Variants in CHLSN observed in about 807,000 individuals in gnomAD.
The protein encoded by CHLSN is protein cholesin.
At chr7:1,050,686 G>T in the CHLSN span, among the ~76,000 whole-genome samples, 2 of 152,180 alleles carry the variant, frequency 1.3e-5, no homozygotes, top group African/African-American at 4.8e-5. Context: ...AATCGCAGTC[G>T]GAGCCCAGCA....
At chr7:1,045,560 A>G in the CHLSN span, 1 of 152,244 alleles carries the variant, frequency 6.6e-6, no homozygotes, top group Non-Finnish European at 1.5e-5. Context: ...CAGGCTCCTC[A>G]CGCATAGTGG....
chr7:1,134,597 G>A, the CHLSN span, among the ~76,000 whole-genome samples: 65 of 145,778 alleles, frequency 4.5e-4, no homozygotes, highest in African/African-American at 1.4e-3. Context: ...GGCCGGGTGC[G>A]GTGGCTCACG....
chr7:1,012,357 C>T, the CHLSN span, among the ~76,000 whole-genome samples: 3 of 152,236 alleles, frequency 2.0e-5, no homozygotes, highest in Non-Finnish European at 2.9e-5. Flanking sequence ...GCAACGTGGG[C>T]GCTGGCCTGG....
chr7:997,847 A>AG, the CHLSN span: 1 of 1,226,980 alleles, frequency 8.2e-7, no homozygotes, highest in Non-Finnish European at 1.2e-6. Flanking sequence ...CGGGGCAGGG[A>AG]GGGGCCGCTG....
At chr7:1,110,399 C>G in the CHLSN span, among the ~76,000 whole-genome samples, 1 of 152,140 alleles carries the variant, frequency 6.6e-6, no homozygotes, top group East Asian at 1.9e-4. Flanking sequence ...CCCCTCACCC[C>G]TCTCCCCGCG....
the CHLSN span, among the ~76,000 whole-genome samples, chr7:979,344 G>C: frequency 6.6e-6 from 1 of 152,096 alleles, no homozygotes; most frequent in Non-Finnish European, 1.5e-5. Context: ...GATCGTCAAA[G>C]TTTCGGTGCA....
chr7:1,066,986 T>C, the CHLSN span, among the ~76,000 whole-genome samples: 2 of 145,302 alleles, frequency 1.4e-5, no homozygotes, highest in Admixed American at 1.4e-4. Flanking sequence ...AGGTGAGGGT[T>C]TGGGGCACAG....
At chr7:1,009,970 C>T in the CHLSN span, 58 of 1,567,156 alleles carry the variant, frequency 3.7e-5, no homozygotes, top group Middle Eastern at 5.2e-4. Flanking sequence ...AGTCCAGGGC[C>T]AGTTCGGCCC....
At chr7:1,100,184 C>T in the CHLSN span, among the ~76,000 whole-genome samples, 2 of 152,190 alleles carry the variant, frequency 1.3e-5, no homozygotes, top group Admixed American at 6.5e-5. Context: ...CCTGTCCAGC[C>T]GGCCACCACT....
chr7:1,055,156 G>C, the CHLSN span: 1 of 445,692 alleles, frequency 2.2e-6, no homozygotes, highest in South Asian at 1.6e-5. Flanking sequence ...GCTGTGCTCA[G>C]TTTGCAGTGC....
chr7:981,810 T>G, the CHLSN span, among the ~76,000 whole-genome samples: 2 of 152,266 alleles, frequency 1.3e-5, no homozygotes, highest in Non-Finnish European at 2.9e-5. Context: ...GGAGGATTGC[T>G]TGAACCCAGG....
At chr7:1,014,210 G>A in the CHLSN span, among the ~76,000 whole-genome samples, 4 of 152,216 alleles carry the variant, frequency 2.6e-5, no homozygotes, top group Non-Finnish European at 5.9e-5. Context: ...GAGGAGCAAA[G>A]TGGATCAGCT....
chr7:1,113,146 G>A, the CHLSN span, among the ~76,000 whole-genome samples: 3 of 151,780 alleles, frequency 2.0e-5, no homozygotes, highest in African/African-American at 4.8e-5. Context: ...GACTCTGGAC[G>A]AGCTCTGTGC....
At chr7:1,004,615 G>A in the CHLSN span, among the ~76,000 whole-genome samples, 1 of 152,216 alleles carries the variant, frequency 6.6e-6, no homozygotes, top group Non-Finnish European at 1.5e-5. Context: ...GTCACTGGGG[G>A]AGCAGACACA....
At chr7:1,023,624 A>AACACACACACACACACACACACACACAC in the CHLSN span, among the ~76,000 whole-genome samples, 4 of 122,302 alleles carry the variant, frequency 3.3e-5, no homozygotes, top group Admixed American at 7.9e-5. This position sits in a 1 kb window ranked among gnomAD's most constrained non-coding sequence, Gnocchi z 5.0. Flanking sequence ...CCTCCCAGGA[A>AACACACACACACACACACACACACACAC]ACACACACAC....
the CHLSN span, among the ~76,000 whole-genome samples, chr7:995,268 C>A: frequency 6.6e-6 from 1 of 152,218 alleles, no homozygotes; most frequent in Non-Finnish European, 1.5e-5. Context: ...CTTCTCTGCG[C>A]CACCCTTCGG....
the CHLSN span, among the ~76,000 whole-genome samples, chr7:1,126,502 A>G: frequency 1.3e-5 from 2 of 152,130 alleles, no homozygotes; most frequent in African/African-American, 4.8e-5. Flanking sequence ...CAACATGGTG[A>G]AACCCGGTCT....
the CHLSN span, chr7:1,093,567 T>C: frequency 2.1e-6 from 1 of 471,024 alleles, no homozygotes; most frequent in Non-Finnish European, 4.4e-6. Flanking sequence ...GTTCAGTCAC[T>C]GCTTGTTGAC....
chr7:1,035,120 G>A, the CHLSN span, among the ~76,000 whole-genome samples: 12 of 152,184 alleles, frequency 7.9e-5, no homozygotes. Flanking sequence ...TTGCTATTGT[G>A]AACAGTGATG....
Sources: allele counts gnomAD v4.1 joint callset (sites outside exome capture counted in the v4.1 genomes callset), GRCh38; gene constraint gnomAD v4.1.1; non-coding constraint Gnocchi (gnomAD v3.1); transcripts MANE v1.5; gene names NCBI Gene and HGNC (gene_info 2026-07-23, HGNC 2026-07-21).